ZDHHC17: variants seen among roughly 807,000 people sequenced by gnomAD.
ZDHHC17 encodes the protein zDHHC palmitoyltransferase 17.
Under a neutral mutation model 90.3 loss-of-function variants are expected in ZDHHC17, and 40 were observed. That is an observed-to-expected ratio of 0.44 (90% CI 0.34 to 0.58). The LOEUF (loss-of-function observed/expected upper bound fraction) is 0.58. ZDHHC17 is among the 20% of genes least tolerant of loss of function. ZDHHC17 has a pLI of 0.01. For missense variants in ZDHHC17, 614 were observed against 780.8 expected (o/e 0.79, Z 2.55); for synonymous variants, 235 against 252.4 (o/e 0.93, Z 0.65).
At chr12:76,846,812 C>A in intron 14 of ZDHHC17, 133 bp downstream of exon 14, 12 of 716,914 alleles carry the variant, frequency 1.7e-5, no homozygotes, top group African/African-American at 3.6e-5. Context: ...TTATGAAGCA[C>A]AAAAGGGAAA....
In ZDHHC17 at chr12:76,850,868, T is replaced by C. The variant is rs775437383; in HGVS notation, c.1782T>C (p.Ile594=). The change falls in exon 17 of 17, where the codon ATT becomes ATC. Residue 594 remains isoleucine (I), a synonymous_variant. Transcript: ENST00000426126. ...TTAGCCATGGATGTGTAAGAAATAT[T>C]ATAGACTTCTTTGAATTTCGATGCT... The part of the protein sequence containing the change: ...SPFNHGCVRN[I]IDFFEFRCCG... 4 of 1,613,996 alleles carry C rather than the reference T, an allele frequency of 2.5e-6. No individual in the cohort carries two copies. Among genetic ancestry groups the C allele is most frequent in the Non-Finnish European group, 3.4e-6 (4 of 1,179,862 alleles).
At chr12:76,782,959 C>T (rs1426093589) in intron 1 of ZDHHC17, among the ~76,000 whole-genome samples, 2 of 152,056 alleles carry the variant, frequency 1.3e-5, no homozygotes, top group East Asian at 3.9e-4. Flanking sequence ...TGACCTTGGC[C>T]TGCCTGACTT....
chr12:76,795,874 A>G (rs1177469186), intron 1 of ZDHHC17, among the ~76,000 whole-genome samples: 1 of 152,206 alleles, frequency 6.6e-6, no homozygotes, highest in Non-Finnish European at 1.5e-5. Context: ...TGGCTTAAGA[A>G]TGATGTATAT....
chr12:76,804,652 C>T (rs947276645), intron 2 of ZDHHC17, among the ~76,000 whole-genome samples: 3 of 152,018 alleles, frequency 2.0e-5, no homozygotes, highest in South Asian at 2.1e-4. Flanking sequence ...TGGAAAAGGA[C>T]GGGGTAAGGG....
intron 8 of ZDHHC17, among the ~76,000 whole-genome samples, chr12:76,823,290 GAT>G (rs1953188404): frequency 6.6e-6 from 1 of 152,080 alleles, no homozygotes; most frequent in Admixed American, 6.5e-5. Context: ...ATTCTTTTGT[GAT>G]ATGTTGTATA....
Position 76,822,495 on chromosome 12 carries a change from C to T in ZDHHC17, c.861C>T (p.Asp287=). The change falls in exon 8 of 17, where the codon GAC becomes GAT. Residue 287 remains aspartate (D), a synonymous_variant. Coordinates refer to ENST00000426126, the MANE Select transcript of ZDHHC17 (RefSeq NM_015336.4). ...LQEARQAKGY[D]NPSFLRKLKA... Reference sequence around the variant, plus strand: ...AGGCAAGGCAAGCAAAAGGATATGACAATCCGTCCTTCCTTAGAAAGCTGA... The same window carrying T: ...AGGCAAGGCAAGCAAAAGGATATGATAATCCGTCCTTCCTTAGAAAGCTGA... 1.9e-6 allele frequency: 3 copies of T among 1,609,852 alleles called. No homozygotes were observed. Among genetic ancestry groups the T allele is most frequent in the South Asian group, 1.1e-5 (1 of 90,612 alleles).
chr12:76,802,117 T>TC (rs1480772599), intron 2 of ZDHHC17, among the ~76,000 whole-genome samples: 2 of 152,242 alleles, frequency 1.3e-5, no homozygotes, highest in African/African-American at 4.8e-5. Context: ...TCTCCTTTGT[T>TC]CAATTCTTGC....
At chr12:76,781,945 T>A (rs1952631742) in intron 1 of ZDHHC17, among the ~76,000 whole-genome samples, 1 of 152,132 alleles carries the variant, frequency 6.6e-6, no homozygotes, top group African/African-American at 2.4e-5. Flanking sequence ...TTAAGTGGGT[T>A]TTTTCTTGTC....
At chr12:76,788,024 A>G (rs7975830) in intron 1 of ZDHHC17, among the ~76,000 whole-genome samples, 33,319 of 152,154 alleles carry the variant, frequency 0.22, 3,819 homozygotes, top group South Asian at 0.32. Flanking sequence ...TGTAGTGGTG[A>G]TGATCACGTC....
At chr12:76,784,024 C>G (rs905503339) in intron 1 of ZDHHC17, among the ~76,000 whole-genome samples, 4 of 152,206 alleles carry the variant, frequency 2.6e-5, no homozygotes, top group African/African-American at 9.6e-5. Flanking sequence ...TGATTTTCGA[C>G]TTCTGACCTC....
At chr12:76,836,217 G>A (rs1198650069) in intron 10 of ZDHHC17, among the ~76,000 whole-genome samples, 1 of 151,806 alleles carries the variant, frequency 6.6e-6, no homozygotes, top group Non-Finnish European at 1.5e-5. Context: ...TATGTTCTTT[G>A]AAAGGGTTTG....
intron 8 of ZDHHC17, among the ~76,000 whole-genome samples, chr12:76,825,773 TATTC>T (rs72294658): frequency 0.011 from 1,681 of 152,084 alleles, 11 homozygotes; most frequent in Non-Finnish European, 0.017. Flanking sequence ...GGAAGATAAA[TATTC>T]AGTAAGGAAA....
chr12:76,773,876 A>G (rs1169897821), intron 1 of ZDHHC17, among the ~76,000 whole-genome samples: 1 of 152,158 alleles, frequency 6.6e-6, no homozygotes, highest in East Asian at 1.9e-4. Flanking sequence ...TAATAAAACT[A>G]CATTTCCATA....
chr12:76,787,617 C>CCT (rs3044465), intron 1 of ZDHHC17, among the ~76,000 whole-genome samples: 2,477 of 149,034 alleles, frequency 0.017, 51 homozygotes, highest in African/African-American at 0.052. Context: ...TCTGTCTCTC[C>CCT]CTCTCTCTCT....
In ZDHHC17 at chr12:76,771,234, A is replaced by G. The variant is rs11115309; in HGVS notation, c.93+6905A>G. Among the ~76,000 whole-genome samples, 137 of 152,324 alleles carry G rather than the reference A, an allele frequency of 9.0e-4. 1 individual carries two copies. The highest frequency in any genetic ancestry group is 1.6e-3 in the Non-Finnish European group (107 of 68,022). Reference sequence around the variant, plus strand: ...AAATATCTTCTTTTAAAATTTTCTTAAAGTGGAGCCACAGGCAGCTAATTT... The same window carrying G: ...AAATATCTTCTTTTAAAATTTTCTTGAAGTGGAGCCACAGGCAGCTAATTT... On this transcript the variant is annotated intron_variant, in intron 1 of 16. Coordinates refer to ENST00000426126, the MANE Select transcript of ZDHHC17 (RefSeq NM_015336.4).
chr12:76,764,366 G>A (rs1454344511), intron 1 of ZDHHC17, 37 bp downstream of exon 1: 18 of 1,534,238 alleles, frequency 1.2e-5, no homozygotes, highest in Non-Finnish European at 1.6e-5. Flanking sequence ...TTGCCCTGCG[G>A]CCCTCCAGCC....
Position 76,764,115 on chromosome 12 carries a change from G to C in ZDHHC17, c.-122G>C, listed in dbSNP as rs575940565. The C allele has an allele frequency of 9.1e-4, 686 of 749,762 alleles. 9 individuals are homozygous for C. The highest frequency in any genetic ancestry group is 7.4e-3 in the South Asian group (389 of 52,812). The allele number at this position is 749,762 out of a possible 1,614,324, so 46.4% of individuals were successfully genotyped here. A position where few individuals can be genotyped will look rare whatever the true frequency, so the allele number is the denominator to read the frequency against. Reference sequence around the variant, plus strand: ...CGAGGGGGGAGGGGACAGAGGGGGCGTCACGGGGGCAGGAGAAGAAGGAGG... The same window carrying C: ...CGAGGGGGGAGGGGACAGAGGGGGCCTCACGGGGGCAGGAGAAGAAGGAGG... On this transcript the variant is annotated 5_prime_UTR_variant, in exon 1 of 17. Transcript: ENST00000426126.
At chr12:76,787,523 TAAGG>T (rs1343151995) in intron 1 of ZDHHC17, among the ~76,000 whole-genome samples, 1 of 152,048 alleles carries the variant, frequency 6.6e-6, no homozygotes. Flanking sequence ...TAATAGGAAA[TAAGG>T]AAGTATTCTC....
rs146405025 is a variant in ZDHHC17 at position 76,770,212 on chromosome 12, T to C, written c.93+5883T>C. 2.2e-4 allele frequency among the ~76,000 whole-genome samples: 33 copies of C among 152,326 alleles called. 1 individual carries two copies. In the East Asian group the frequency reaches 6.4e-3, roughly 29 times the overall value. On this transcript the variant is annotated intron_variant, in intron 1 of 16. Coordinates refer to ENST00000426126, the MANE Select transcript of ZDHHC17 (RefSeq NM_015336.4). The stretch of plus-strand genomic sequence containing the variant: ...CAACAATAAGTGTTGGCTATTAATA[T>C]TGTGGTAAAAAGTAGTACCTCAAAT...
Sources: gnomAD v4.1 joint callset for allele counts (sites outside exome capture counted in the v4.1 genomes callset) on GRCh38, gnomAD v4.1.1 for gene constraint, MANE v1.5 for transcripts, NCBI Gene and HGNC (gene_info 2026-07-23, HGNC 2026-07-21) for gene names.